The following PLD5 variants were observed in gnomAD, a reference collection of about 807,000 sequenced individuals.
The protein encoded by PLD5 is inactive phospholipase D5.
A neutral mutation model predicts 61.1 loss-of-function variants in PLD5; 36 were observed. The ratio of observed to expected loss-of-function variants is 0.59; its 90% CI spans 0.45 to 0.78. The LOEUF (loss-of-function observed/expected upper bound fraction) is 0.78, where lower values mean the gene tolerates loss of function less well. PLD5 is among the 30% of genes least tolerant of loss of function. PLD5 has a pLI of 0.00. For missense variants in PLD5, 515 were observed against 644.4 expected, an observed-to-expected ratio of 0.80 and a Z score of 2.17; for synonymous variants, 243 against 242.8, an observed-to-expected ratio of 1.00 and a Z score of -0.01.
chr1:242,385,795 T>C (rs1003828574), intron 1 of PLD5, among the ~76,000 whole-genome samples: 1 of 152,212 alleles, frequency 6.6e-6, no homozygotes, highest in Non-Finnish European at 1.5e-5. Context: ...AAAATGATGG[T>C]CAACGAGGTA....
intron 1 of PLD5, among the ~76,000 whole-genome samples, chr1:242,380,966 CAA>C (rs1662242819): frequency 2.0e-5 from 3 of 152,164 alleles, no homozygotes; most frequent in Admixed American, 2.0e-4. Context: ...TAAATTAGTT[CAA>C]CCATTGCGGA....
chr1:242,277,036 A>C (rs1052270241), intron 3 of PLD5, among the ~76,000 whole-genome samples: 5 of 152,064 alleles, frequency 3.3e-5, no homozygotes, highest in African/African-American at 1.2e-4. Flanking sequence ...GCTGGTAACC[A>C]GGCTCTCGGC....
Position 242,098,721 on chromosome 1 carries a change from G to A in PLD5, c.1354+1947C>T, listed in dbSNP as rs190526400. Among the ~76,000 whole-genome samples, 23 of 152,268 alleles carry A rather than the reference G, an allele frequency of 1.5e-4. No homozygotes were observed. In the East Asian group the frequency reaches 2.3e-3, roughly 15 times the overall value. On this transcript the variant is annotated intron_variant, in intron 9 of 9. Transcript: ENST00000536534. ...ACGTTTGGTCTTTGATGATGGTGAC[G>A]TACAGATGGGGTTTTGGTGTGGATG...
At chr1:242,243,705 A>C (rs1278173072) in intron 4 of PLD5, among the ~76,000 whole-genome samples, 2 of 152,176 alleles carry the variant, frequency 1.3e-5, no homozygotes, top group East Asian at 3.9e-4. Flanking sequence ...ACTTGGCTCT[A>C]CTATAGACAG....
intron 7 of PLD5, among the ~76,000 whole-genome samples, chr1:242,113,011 A>C (rs1467657979): frequency 6.6e-6 from 1 of 151,920 alleles, no homozygotes; most frequent in African/African-American, 2.4e-5. Context: ...TGCATTTTTA[A>C]ACTGTTCTCT....
chr1:242,194,617 T>TCTATCTAATCTATCTATCTAC, intron 5 of PLD5, among the ~76,000 whole-genome samples: 1 of 66,128 alleles, frequency 1.5e-5, no homozygotes, highest in South Asian at 5.8e-4. Context: ...TATCTATCTA[T>TCTATCTAATCTATCTATCTAC]GTATCTATCT....
At chr1:242,102,986 G>A (rs1279386535) in intron 8 of PLD5, among the ~76,000 whole-genome samples, 3 of 152,050 alleles carry the variant, frequency 2.0e-5, no homozygotes, top group East Asian at 1.9e-4. Flanking sequence ...GACATTTCAC[G>A]CCCTAGAAGT....
intron 2 of PLD5, among the ~76,000 whole-genome samples, chr1:242,299,682 A>C (rs186126722): frequency 4.7e-4 from 72 of 152,378 alleles, no homozygotes; most frequent in African/African-American, 1.6e-3. Context: ...ATTCGCTAGC[A>C]GAGTTGCTTT....
chr1:242,387,319 T>C (rs1662654517), intron 1 of PLD5, among the ~76,000 whole-genome samples: 1 of 152,150 alleles, frequency 6.6e-6, no homozygotes, highest in Admixed American at 6.6e-5. Context: ...ATTAATAATG[T>C]GAGATTTTCC....
chr1:242,131,485 T>C (rs977702759), intron 5 of PLD5, among the ~76,000 whole-genome samples: 5 of 152,180 alleles, frequency 3.3e-5, no homozygotes, highest in East Asian at 1.9e-4. Context: ...TAATTAATTA[T>C]AGTGCTCGCT....
chr1:242,173,363 A>G (rs1269506397), intron 5 of PLD5, among the ~76,000 whole-genome samples: 2 of 152,214 alleles, frequency 1.3e-5, no homozygotes, highest in East Asian at 3.9e-4. Flanking sequence ...GGACCTCTTC[A>G]AGGAGAACTA....
At chr1:242,489,369 T>C (rs941089557) in intron 1 of PLD5, among the ~76,000 whole-genome samples, 4 of 112,872 alleles carry the variant, frequency 3.5e-5, no homozygotes, top group Non-Finnish European at 6.2e-5. Flanking sequence ...CCTCGATACA[T>C]TTGATTAAAA....
At chr1:242,104,297 CTT>C (rs368132707) in intron 8 of PLD5, among the ~76,000 whole-genome samples, 80 of 129,500 alleles carry the variant, frequency 6.2e-4, no homozygotes, top group Non-Finnish European at 8.1e-4. Context: ...CTAGTTTTTG[CTT>C]TTTTTTTTTT....
intron 5 of PLD5, among the ~76,000 whole-genome samples, chr1:242,213,320 C>T (rs1196614654): frequency 2.0e-5 from 3 of 152,078 alleles, no homozygotes; most frequent in Admixed American, 6.6e-5. Context: ...GCTTTGCTCC[C>T]CAGTAGAAAA....
chr1:242,407,186 C>CT (rs1309070297), intron 1 of PLD5, among the ~76,000 whole-genome samples: 9 of 152,130 alleles, frequency 5.9e-5, no homozygotes, highest in Non-Finnish European at 1.0e-4. Flanking sequence ...CCTGCACAAG[C>CT]TTTTTTTACC....
rs572048678 is a variant in PLD5 at position 242,455,297 on chromosome 1, TG to T, written c.189+68790del. On this transcript the variant is annotated intron_variant, in intron 1 of 9. Transcript: ENST00000536534. ...TTAAGATACTTGATTTTTTAACTAA[TG>T]ACTTTCATCACATGGAGCTCACTGG... is the stretch of plus-strand genomic sequence containing the variant. Among the ~76,000 whole-genome samples, 184 of 152,270 alleles carry T rather than the reference TG, an allele frequency of 1.2e-3. 1 individual carries two copies. Among genetic ancestry groups the T allele is most frequent in the South Asian group, 7.7e-3 (37 of 4,830 alleles).
At chr1:242,456,523 C>T (rs10926744) in intron 1 of PLD5, among the ~76,000 whole-genome samples, 61,504 of 151,990 alleles carry the variant, frequency 0.4, 12,841 homozygotes, top group Admixed American at 0.55. Flanking sequence ...GACTGAAACA[C>T]CTGCAGGCTG....
chr1:242,217,603 C>T (rs1670297405), intron 5 of PLD5, among the ~76,000 whole-genome samples: 2 of 152,118 alleles, frequency 1.3e-5, no homozygotes, highest in Admixed American at 6.5e-5. Context: ...GCGACAAGAG[C>T]AGAACTCCAA....
intron 4 of PLD5, among the ~76,000 whole-genome samples, chr1:242,254,787 C>A (rs2149087846): frequency 6.6e-6 from 1 of 152,306 alleles, no homozygotes; most frequent in East Asian, 1.9e-4. Context: ...CACAAAAGTA[C>A]CTGTTCCTAG....
Sources: gnomAD v4.1 joint callset for allele counts (sites outside exome capture counted in the v4.1 genomes callset) on GRCh38, gnomAD v4.1.1 for gene constraint, MANE v1.5 for transcripts, NCBI Gene and HGNC (gene_info 2026-07-23, HGNC 2026-07-21) for gene names.